Variants in OR1J2 observed in about 807,000 individuals in gnomAD.
OR1J2 encodes olfactory receptor family 1 subfamily J member 2.
For missense variants in OR1J2, 304 were observed against 246.1 expected (o/e 1.24, Z -1.57); for synonymous variants, 142 against 99.7 (o/e 1.42, Z -2.52).
chr9:122,545,542 T>A, the OR1J2 span, among the ~76,000 whole-genome samples: 66,020 of 151,368 alleles, frequency 0.44, 15,415 homozygotes, highest in East Asian at 0.87. Flanking sequence ...TCAGGATGAG[T>A]CGATCATATT....
the OR1J2 span, among the ~76,000 whole-genome samples, chr9:122,530,942 TC>T: frequency 6.6e-6 from 1 of 152,170 alleles, no homozygotes; most frequent in African/African-American, 2.4e-5. Context: ...GAACTGGCCA[TC>T]CGGATGTGTA....
At chr9:122,467,624 C>A in the OR1J2 span, among the ~76,000 whole-genome samples, 1 of 151,990 alleles carries the variant, frequency 6.6e-6, no homozygotes, top group African/African-American at 2.4e-5. Context: ...CTATTAAAAC[C>A]CTTGCTTAAT....
At chr9:122,527,298 C>T in the OR1J2 span, 3 of 1,579,084 alleles carry the variant, frequency 1.9e-6, no homozygotes, top group East Asian at 2.3e-5. Context: ...TTCCATGACT[C>T]TGCAGCATCT....
At chr9:122,553,641 T>G in the OR1J2 span, 1 of 1,614,188 alleles carries the variant, frequency 6.2e-7, no homozygotes, top group Non-Finnish European at 8.5e-7. Flanking sequence ...TCCCCAGCTC[T>G]GTGCACTAAT....
the OR1J2 span, chr9:122,568,139 G>A: frequency 5.0e-6 from 8 of 1,614,002 alleles, no homozygotes; most frequent in Admixed American, 1.2e-4. Flanking sequence ...CCAGAAGGCA[G>A]CTGTCACTGT....
the OR1J2 span, chr9:122,553,672 TAACC>T: frequency 6.2e-7 from 1 of 1,614,016 alleles, no homozygotes; most frequent in Non-Finnish European, 8.5e-7. Flanking sequence ...TGCTGGGTGC[TAACC>T]AACTGTCCTG....
the OR1J2 span, among the ~76,000 whole-genome samples, chr9:122,556,838 G>A: frequency 6.6e-6 from 1 of 152,092 alleles, no homozygotes; most frequent in African/African-American, 2.4e-5. Context: ...TAATCAAGTT[G>A]GGAAGAATGA....
chr9:122,512,160 A>G (rs1158318509), downstream of OR1J2, among the ~76,000 whole-genome samples: 17 of 152,216 alleles, frequency 1.1e-4, no homozygotes, highest in Non-Finnish European at 2.9e-5. Context: ...TTAGTGAAGT[A>G]GTGCTTCATA....
chr9:122,571,999 G>A, the OR1J2 span, among the ~76,000 whole-genome samples: 1 of 152,156 alleles, frequency 6.6e-6, no homozygotes, highest in Non-Finnish European at 1.5e-5. Context: ...TTCTGATTCT[G>A]GGGAGGCCTC....
chr9:122,561,935 T>A, the OR1J2 span, among the ~76,000 whole-genome samples: 1 of 152,156 alleles, frequency 6.6e-6, no homozygotes, highest in African/African-American at 2.4e-5. Flanking sequence ...GAACTAGCAG[T>A]AGGAAAAACT....
the OR1J2 span, among the ~76,000 whole-genome samples, chr9:122,448,565 G>T: frequency 6.6e-6 from 1 of 152,164 alleles, no homozygotes. Context: ...CCATATCCAG[G>T]CTATCTCAGT....
chr9:122,571,346 T>C, the OR1J2 span, among the ~76,000 whole-genome samples: 1 of 151,496 alleles, frequency 6.6e-6, no homozygotes, highest in African/African-American at 2.4e-5. Context: ...GGTCAGGAGA[T>C]TGGGTGCATC....
chr9:122,451,902 G>A, the OR1J2 span, among the ~76,000 whole-genome samples: 11 of 152,092 alleles, frequency 7.2e-5, no homozygotes, highest in East Asian at 1.4e-3. Flanking sequence ...TCTTTGAGAC[G>A]GAGTCTCGCT....
the OR1J2 span, among the ~76,000 whole-genome samples, chr9:122,466,299 A>G: frequency 2.0e-5 from 3 of 152,318 alleles, no homozygotes; most frequent in Non-Finnish European, 4.4e-5. Flanking sequence ...AATAAAATCC[A>G]AGACTGTACC....
the OR1J2 span, among the ~76,000 whole-genome samples, chr9:122,493,394 C>T: frequency 2.0e-5 from 3 of 152,088 alleles, no homozygotes; most frequent in African/African-American, 7.2e-5. Context: ...TGTTATTGGT[C>T]TATTCAGAGA....
At chr9:122,527,604 G>C in the OR1J2 span, among the ~76,000 whole-genome samples, 5 of 151,958 alleles carry the variant, frequency 3.3e-5, 1 homozygote, top group Non-Finnish European at 7.4e-5. Flanking sequence ...GCAGTAGGCT[G>C]TCTATGTGAG....
At chr9:122,478,066 C>T in the OR1J2 span, 3 of 624,078 alleles carry the variant, frequency 4.8e-6, no homozygotes, top group Middle Eastern at 4.0e-4. Context: ...CTTACATTTG[C>T]CACATATTTT....
the OR1J2 span, among the ~76,000 whole-genome samples, chr9:122,450,707 C>T: frequency 2.2e-4 from 34 of 152,284 alleles, no homozygotes; most frequent in African/African-American, 6.0e-4. Flanking sequence ...TCCTGTTGAA[C>T]GGAAACTATG....
chr9:122,519,580 T>C, the OR1J2 span: 1 of 1,614,216 alleles, frequency 6.2e-7, no homozygotes, highest in Non-Finnish European at 8.5e-7. Flanking sequence ...CTAGTCACTG[T>C]GTCCTGGATC....
Sources: allele counts gnomAD v4.1 joint callset (sites outside exome capture counted in the v4.1 genomes callset), GRCh38; gene constraint gnomAD v4.1.1; transcripts MANE v1.5; gene names NCBI Gene and HGNC (gene_info 2026-07-23, HGNC 2026-07-21).